The following GRIK2 variants were observed in gnomAD, a reference collection of about 807,000 sequenced individuals.
The protein encoded by GRIK2 is glutamate receptor ionotropic, kainate 2.
GRIK2 carries 32 observed loss-of-function variants against 100.3 expected under a neutral mutation model. That is an observed-to-expected ratio of 0.32 (90% CI 0.24 to 0.43). GRIK2 has a LOEUF of 0.43. Among genes scored for constraint, GRIK2 ranks in the 20% least tolerant of loss-of-function variants. GRIK2 has a pLI of 1.00. For missense variants in GRIK2, 843 were observed against 1,114.9 expected (o/e 0.76, Z 3.47); for synonymous variants, 417 against 389.4 (o/e 1.07, Z -0.83).
chr6:101,787,787 T>C (rs1482109690), intron 7 of GRIK2, among the ~76,000 whole-genome samples: 1 of 152,168 alleles, frequency 6.6e-6, no homozygotes, highest in Non-Finnish European at 1.5e-5. Context: ...AGTTGTTGGA[T>C]GAAAGGTTCT....
At chr6:101,542,041 T>C (rs1302553731) in intron 2 of GRIK2, among the ~76,000 whole-genome samples, 1 of 152,108 alleles carries the variant, frequency 6.6e-6, no homozygotes, top group Non-Finnish European at 1.5e-5. Flanking sequence ...CTCATAATAG[T>C]TGAACACAGC....
intron 2 of GRIK2, among the ~76,000 whole-genome samples, chr6:101,600,467 A>G (rs1280136937): frequency 6.6e-6 from 1 of 151,918 alleles, no homozygotes; most frequent in Non-Finnish European, 1.5e-5. Context: ...AAGGAATAGC[A>G]CTGAATCTGT....
intron 7 of GRIK2, among the ~76,000 whole-genome samples, chr6:101,750,604 A>T (rs2128384111): frequency 6.6e-6 from 1 of 152,348 alleles, no homozygotes. Flanking sequence ...TATAGTAACA[A>T]GACTTATCAA....
In GRIK2 at chr6:102,007,819, A is replaced by C. The variant is rs531611619; in HGVS notation, c.2086-27522A>C. Among the ~76,000 whole-genome samples the C allele has an allele frequency of 2.0e-5, 3 of 152,158 alleles. No homozygotes were observed. In the East Asian group the frequency reaches 5.8e-4, roughly 29 times the overall value. On this transcript the variant is annotated intron_variant, in intron 14 of 16. Coordinates refer to ENST00000369134, the MANE Select transcript of GRIK2 (RefSeq NM_021956.5). ...CTGGGATTAAGTAGATGGCAATGTT[A>C]AATAAATTATTGGACATTTTATTGT...
At chr6:101,996,134 G>A (rs1478367413) in intron 14 of GRIK2, among the ~76,000 whole-genome samples, 2 of 151,976 alleles carry the variant, frequency 1.3e-5, no homozygotes, top group South Asian at 2.1e-4. Context: ...TCAATTCATT[G>A]TTCTAAGGTT....
At chr6:101,882,991 A>T (rs1786361263) in intron 11 of GRIK2, among the ~76,000 whole-genome samples, 1 of 151,872 alleles carries the variant, frequency 6.6e-6, no homozygotes. Context: ...AAAATCATGC[A>T]CATAAAAAAT....
At chr6:101,559,788 A>G (rs1582715139) in intron 2 of GRIK2, among the ~76,000 whole-genome samples, 1 of 152,150 alleles carries the variant, frequency 6.6e-6, no homozygotes, top group South Asian at 2.1e-4. Flanking sequence ...ACACCCCCAC[A>G]CATCCATATG....
intron 14 of GRIK2, among the ~76,000 whole-genome samples, chr6:101,994,914 A>G (rs535271973): frequency 6.6e-6 from 1 of 151,914 alleles, no homozygotes; most frequent in African/African-American, 2.4e-5. Flanking sequence ...AGTAATTTTG[A>G]TATCAAGGTT....
At chr6:101,858,554 T>G (rs1784561798) in intron 10 of GRIK2, among the ~76,000 whole-genome samples, 5 of 122,860 alleles carry the variant, frequency 4.1e-5, no homozygotes, top group Non-Finnish European at 4.6e-5. Flanking sequence ...GCCCAGCTAA[T>G]TTTTTTTGTA....
chr6:101,525,305 G>T (rs1775096015), intron 2 of GRIK2, among the ~76,000 whole-genome samples: 1 of 152,122 alleles, frequency 6.6e-6, no homozygotes. Flanking sequence ...ATTATCAGTA[G>T]GATGAATACT....
chr6:101,841,960 G>A (rs140440436), intron 10 of GRIK2, among the ~76,000 whole-genome samples: 14 of 152,216 alleles, frequency 9.2e-5, no homozygotes, highest in Admixed American at 2.6e-4. Context: ...GTTTTGAATC[G>A]TGAGCCTGCC....
chr6:101,747,271 T>TA (rs1471341145), intron 7 of GRIK2, among the ~76,000 whole-genome samples: 2 of 152,216 alleles, frequency 1.3e-5, no homozygotes, highest in Non-Finnish European at 2.9e-5. Context: ...TCATGAATTC[T>TA]AAAAATGGTT....
intron 7 of GRIK2, among the ~76,000 whole-genome samples, chr6:101,770,631 A>G (rs1324173651): frequency 1.3e-5 from 2 of 152,206 alleles, no homozygotes; most frequent in African/African-American, 4.8e-5. Context: ...CCTACCGGCT[A>G]AAAGGGCATT....
chr6:101,716,753 AAAAC>A (rs1291283705), intron 7 of GRIK2, among the ~76,000 whole-genome samples: 2 of 151,814 alleles, frequency 1.3e-5, no homozygotes, highest in Admixed American at 1.3e-4. Flanking sequence ...GAATAATAAT[AAAAC>A]AAAGCAAAAC....
At chr6:102,053,631 A>G (rs1222169765) in intron 15 of GRIK2, among the ~76,000 whole-genome samples, 2 of 152,162 alleles carry the variant, frequency 1.3e-5, no homozygotes, top group Non-Finnish European at 2.9e-5. Context: ...TACATAAGTG[A>G]TATTTTTGTT....
chr6:101,764,916 G>C (rs146024730), intron 7 of GRIK2, among the ~76,000 whole-genome samples: 10 of 152,220 alleles, frequency 6.6e-5, no homozygotes, highest in African/African-American at 2.4e-4. Flanking sequence ...TTCTGTGTGT[G>C]TGTGTGTTTT....
chr6:101,467,107 A>G (rs1771687468), intron 2 of GRIK2, among the ~76,000 whole-genome samples: 1 of 152,162 alleles, frequency 6.6e-6, no homozygotes, highest in African/African-American at 2.4e-5. Flanking sequence ...TTTTCCAGCA[A>G]CAGAAGTATG....
At chr6:101,898,261 C>A (rs2128460548) in intron 12 of GRIK2, among the ~76,000 whole-genome samples, 1 of 151,738 alleles carries the variant, frequency 6.6e-6, no homozygotes, top group Admixed American at 6.6e-5. Flanking sequence ...AAGAATGTGA[C>A]ACTAAAGAAA....
intron 6 of GRIK2, among the ~76,000 whole-genome samples, chr6:101,685,788 A>G (rs150707337): frequency 1.2e-3 from 181 of 152,236 alleles, no homozygotes; most frequent in African/African-American, 4.0e-3. Context: ...ACTGACAAAA[A>G]AAAAATTAAA....
Sources: allele counts gnomAD v4.1 joint callset (sites outside exome capture counted in the v4.1 genomes callset), GRCh38; gene constraint gnomAD v4.1.1; transcripts MANE v1.5; gene names NCBI Gene and HGNC (gene_info 2026-07-23, HGNC 2026-07-21).